The following AGAP1 variants were observed in gnomAD, a reference collection of about 807,000 sequenced individuals.
AGAP1 encodes ArfGAP with GTPase domain, ankyrin repeat and PH domain 1.
AGAP1 carries 29 observed loss-of-function variants against 105.3 expected under a neutral mutation model. The ratio of observed to expected loss-of-function variants is 0.28; its 90% confidence interval spans 0.21 to 0.38. AGAP1 has a LOEUF of 0.38. AGAP1 is among the 10% of genes least tolerant of loss of function. The probability of loss-of-function intolerance (pLI) is 1.00; values close to 1 mark genes in which losing one functional copy is unlikely to be tolerated. For missense variants in AGAP1, 998 were observed against 1,165.1 expected, an observed-to-expected ratio of 0.86 and a Z score of 2.09; for synonymous variants, 509 against 485.9, an observed-to-expected ratio of 1.05 and a Z score of -0.63.
chr2:235,494,130 C>T lies in AGAP1; in HGVS notation c.-557C>T, dbSNP rs1941201733. 6.9e-6 allele frequency: 1 copy of T among 144,492 alleles called. No homozygotes were observed. Among genetic ancestry groups the T allele is most frequent in the African/African-American group, 2.5e-5 (1 of 40,120 alleles). The allele number at this position is 144,492 out of a possible 1,614,324, so 9.0% of individuals were successfully genotyped here. On this transcript the variant is annotated 5_prime_UTR_variant, in exon 1 of 18. Transcript: ENST00000304032. ...TCCGCGGCTTGCAAGGCGCCTGCGA[C>T]TCGGTCCCAGGTCGGCGGGCGGCGC...
intron 1 of AGAP1, among the ~76,000 whole-genome samples, chr2:235,602,332 A>G (rs944420069): frequency 1.3e-5 from 2 of 152,202 alleles, no homozygotes; most frequent in Non-Finnish European, 2.9e-5. Context: ...AGATCTACAT[A>G]ATTCCCTCGA....
At chr2:235,661,535 G>T (rs55823170) in intron 1 of AGAP1, among the ~76,000 whole-genome samples, 18,059 of 143,280 alleles carry the variant, frequency 0.13, 1,467 homozygotes, top group East Asian at 0.34. Context: ...CTGTGGGGGT[G>T]GGGGGGCTGT....
chr2:235,944,806 C>G (rs2053415825), intron 12 of AGAP1, among the ~76,000 whole-genome samples: 1 of 152,098 alleles, frequency 6.6e-6, no homozygotes, highest in Non-Finnish European at 1.5e-5. Context: ...GGGTCAGGCC[C>G]CCAGATGAGA....
At chr2:235,685,718 T>C (rs903954420) in intron 1 of AGAP1, among the ~76,000 whole-genome samples, 2 of 152,082 alleles carry the variant, frequency 1.3e-5, no homozygotes, top group African/African-American at 2.4e-5. Flanking sequence ...AATATTTGGC[T>C]CCAGAGCTCT....
At chr2:235,629,290 G>A (rs1404995331) in intron 1 of AGAP1, among the ~76,000 whole-genome samples, 1 of 150,234 alleles carries the variant, frequency 6.7e-6, no homozygotes, top group East Asian at 2.0e-4. Context: ...GTGTGTGTGT[G>A]TGTGTGTGTG....
chr2:235,718,177 A>T (rs1951213643), intron 3 of AGAP1, among the ~76,000 whole-genome samples: 1 of 152,058 alleles, frequency 6.6e-6, no homozygotes, highest in Non-Finnish European at 1.5e-5. Context: ...TTCAGTTAAC[A>T]TGTCCATATT....
At chr2:235,519,455 C>T (rs2149047037) in intron 1 of AGAP1, among the ~76,000 whole-genome samples, 1 of 152,150 alleles carries the variant, frequency 6.6e-6, no homozygotes. Flanking sequence ...GAATTTGAGA[C>T]TAAGAGTATT....
intron 1 of AGAP1, among the ~76,000 whole-genome samples, chr2:235,531,491 A>T (rs1004434955): frequency 4.6e-5 from 7 of 151,756 alleles, no homozygotes; most frequent in African/African-American, 1.5e-4. Flanking sequence ...ACCCGCTCCC[A>T]TGTCACCTGC....
At chr2:235,831,831 A>G (rs1959447348) in intron 9 of AGAP1, among the ~76,000 whole-genome samples, 1 of 152,266 alleles carries the variant, frequency 6.6e-6, no homozygotes. Context: ...AATACCAAAG[A>G]ACATGATTGC....
chr2:235,653,042 C>T (rs527242619), intron 1 of AGAP1, among the ~76,000 whole-genome samples: 7 of 152,206 alleles, frequency 4.6e-5, no homozygotes, highest in South Asian at 2.1e-4. Flanking sequence ...AGCACTGCAC[C>T]GGGAAGGATA....
At chr2:235,630,506 C>G (rs923336656) in intron 1 of AGAP1, among the ~76,000 whole-genome samples, 1 of 152,190 alleles carries the variant, frequency 6.6e-6, no homozygotes, top group Non-Finnish European at 1.5e-5. Context: ...CCACCATGCC[C>G]GGCCCCTGTA....
chr2:235,760,521 T>G (rs1400437170), intron 6 of AGAP1, among the ~76,000 whole-genome samples: 1 of 152,252 alleles, frequency 6.6e-6, no homozygotes, highest in African/African-American at 2.4e-5. Context: ...TGAATATTAT[T>G]TCAATTATTT....
chr2:235,778,893 C>T (rs945775124), intron 6 of AGAP1, among the ~76,000 whole-genome samples: 3 of 152,232 alleles, frequency 2.0e-5, no homozygotes, highest in Admixed American at 6.5e-5. Flanking sequence ...TCTCCAGCCC[C>T]GTGGCAGTCC....
At chr2:235,572,003 C>T (rs1361002053) in intron 1 of AGAP1, among the ~76,000 whole-genome samples, 7 of 93,498 alleles carry the variant, frequency 7.5e-5, no homozygotes, top group South Asian at 4.0e-4. Flanking sequence ...CACACACACA[C>T]TTTTTTTTTT....
intron 1 of AGAP1, among the ~76,000 whole-genome samples, chr2:235,641,342 T>C (rs62189206): frequency 2.0e-5 from 3 of 147,818 alleles, no homozygotes; most frequent in Non-Finnish European, 3.0e-5. Context: ...CTCCCTCTCT[T>C]CCTTCCTTCC....
At chr2:235,826,489 A>G (rs570893264) in intron 9 of AGAP1, among the ~76,000 whole-genome samples, 17 of 151,126 alleles carry the variant, frequency 1.1e-4, no homozygotes, top group Admixed American at 3.3e-4. Flanking sequence ...CTGCTCTGTC[A>G]CCCAGGCTGG....
At chr2:235,880,306 G>C (rs543754468) in intron 9 of AGAP1, among the ~76,000 whole-genome samples, 3 of 152,026 alleles carry the variant, frequency 2.0e-5, no homozygotes, top group Admixed American at 1.3e-4. Context: ...AAATCCATCC[G>C]CGTGGAGCCC....
In AGAP1 at chr2:236,083,306, G is replaced by A. The variant is rs148991143; in HGVS notation, c.2114+34025G>A. On this transcript the variant is annotated intron_variant, in intron 16 of 17. Coordinates refer to ENST00000304032, the MANE Select transcript of AGAP1 (RefSeq NM_001037131.3). This position sits in a 1 kb window ranked among gnomAD's most constrained non-coding sequence, Gnocchi z 5.3. ...AATGCAGATGTCATGTGATGAGCTCGGTTTGTTGCAAGGAAGCGTCGTCCT... is the reference window on the plus strand; with the variant it reads ...AATGCAGATGTCATGTGATGAGCTCAGTTTGTTGCAAGGAAGCGTCGTCCT... 1.6e-4 allele frequency among the ~76,000 whole-genome samples: 25 copies of A among 152,282 alleles called. No homozygotes were observed. The highest frequency in any genetic ancestry group is 6.8e-3 in the Middle Eastern group (2 of 294).
At chr2:235,657,144 G>T (rs972616605) in intron 1 of AGAP1, among the ~76,000 whole-genome samples, 2 of 152,176 alleles carry the variant, frequency 1.3e-5, no homozygotes, top group African/African-American at 4.8e-5. Flanking sequence ...GAAGCCTCTG[G>T]ACTTCCTCCT....
Sources: allele counts gnomAD v4.1 joint callset (sites outside exome capture counted in the v4.1 genomes callset), GRCh38; gene constraint gnomAD v4.1.1; non-coding constraint Gnocchi (gnomAD v3.1); transcripts MANE v1.5; gene names NCBI Gene and HGNC (gene_info 2026-07-23, HGNC 2026-07-21).